PDE3A: variants seen among roughly 807,000 people sequenced by gnomAD.
The protein encoded by PDE3A is phosphodiesterase 3A.
Under a neutral mutation model 98.3 loss-of-function variants are expected in PDE3A, and 43 were observed. The ratio of observed to expected loss-of-function variants is 0.44; its 90% CI spans 0.34 to 0.56. The LOEUF (loss-of-function observed/expected upper bound fraction) is 0.56, where lower values mean the gene tolerates loss of function less well. PDE3A is among the 20% of genes least tolerant of loss of function. The pLI is 0.01. For synonymous variants in PDE3A, 663 were observed against 567.9 expected (o/e 1.17, Z -2.38); for missense variants, 1,427 against 1,440.7 (o/e 0.99, Z 0.15).
chr12:20,601,838 AGAT>A (rs1046528128), intron 2 of PDE3A, among the ~76,000 whole-genome samples: 1 of 152,098 alleles, frequency 6.6e-6, no homozygotes, highest in Non-Finnish European at 1.5e-5. Context: ...GTTTTAAAAG[AGAT>A]GGTCAGATAA....
intron 1 of PDE3A, among the ~76,000 whole-genome samples, chr12:20,445,129 C>T (rs772533567): frequency 1.3e-5 from 2 of 152,066 alleles, no homozygotes; most frequent in African/African-American, 2.4e-5. Context: ...AAAATGGGTA[C>T]GTTTCAGAAC....
intron 7 of PDE3A, among the ~76,000 whole-genome samples, chr12:20,634,471 C>G (rs1944453317): frequency 6.6e-6 from 1 of 152,150 alleles, no homozygotes; most frequent in African/African-American, 2.4e-5. Context: ...CCCATGCTCC[C>G]AAGCATATGC....
chr12:20,560,340 A>G (rs1942482616), intron 2 of PDE3A, among the ~76,000 whole-genome samples: 1 of 152,224 alleles, frequency 6.6e-6, no homozygotes, highest in Non-Finnish European at 1.5e-5. Flanking sequence ...ATGAGTGTGC[A>G]TGATCTTACT....
intron 4 of PDE3A, among the ~76,000 whole-genome samples, chr12:20,621,046 A>G (rs1944122324): frequency 6.6e-6 from 1 of 152,070 alleles, no homozygotes; most frequent in Non-Finnish European, 1.5e-5. Context: ...GGATAATAAG[A>G]AAGTTATCTT....
At position 20,383,142 on chromosome 12, in the gene PDE3A, G is replaced by A. The variant is rs568692282; in HGVS notation, c.960+12898G>A. ...ATTGGTGGAGTCTTTGAATGTCTTC[G>A]TAAAAATGATGCTTTTGAGGGTCGG... is the stretch of plus-strand genomic sequence containing the variant. On this transcript the variant is annotated intron_variant, in intron 1 of 15. Transcript: ENST00000359062. Among the ~76,000 whole-genome samples, 131 of 151,922 alleles carry A rather than the reference G, an allele frequency of 8.6e-4. 2 individuals carry two copies. The highest frequency in any genetic ancestry group is 2.6e-3 in the African/African-American group (107 of 41,500).
chr12:20,488,671 A>G (rs1282342086), intron 1 of PDE3A, among the ~76,000 whole-genome samples: 1 of 152,064 alleles, frequency 6.6e-6, no homozygotes, highest in Admixed American at 6.5e-5. Flanking sequence ...CTTTACAACA[A>G]CAACAACAAA....
rs1386365979 is a variant in PDE3A at position 20,634,938 on chromosome 12, A to G, written c.1883A>G (p.Asn628Ser). ...CAAGTTACCTCTGATTATGAAACCA[A>G]TAACAACAGTGACAGCAGTGACATT... ...TAQVTSDYET[N>S]NNSDSSDIVQ... Residue 628 changes from asparagine to serine, a missense_variant, in exon 8 of 16, where the codon AAT becomes AGT. Transcript: ENST00000359062. The G allele has an allele frequency of 6.2e-7, 1 of 1,610,620 alleles. No homozygotes were observed. The highest frequency in any genetic ancestry group is 8.5e-7 in the Non-Finnish European group (1 of 1,176,828).
At chr12:20,510,180 A>G (rs1041199921) in intron 1 of PDE3A, among the ~76,000 whole-genome samples, 2 of 152,068 alleles carry the variant, frequency 1.3e-5, no homozygotes, top group Non-Finnish European at 2.9e-5. Flanking sequence ...GATTTTTAAC[A>G]TAGTTCTTTA....
At chr12:20,672,699 C>T (rs1198977532) in intron 15 of PDE3A, among the ~76,000 whole-genome samples, 7 of 125,398 alleles carry the variant, frequency 5.6e-5, no homozygotes, top group Non-Finnish European at 1.2e-4. Context: ...AAAATCAATT[C>T]AAGATGGATT....
chr12:20,480,304 C>A (rs1945600772), intron 1 of PDE3A, among the ~76,000 whole-genome samples: 1 of 152,174 alleles, frequency 6.6e-6, no homozygotes, highest in South Asian at 2.1e-4. Flanking sequence ...AATAGAACAT[C>A]ATCCAGGTTA....
chr12:20,589,642 G>A (rs960595366), intron 2 of PDE3A, among the ~76,000 whole-genome samples: 7 of 151,866 alleles, frequency 4.6e-5, no homozygotes, highest in African/African-American at 7.3e-5. Flanking sequence ...GCCGAGGCGG[G>A]CAGATCACGA....
intron 2 of PDE3A, among the ~76,000 whole-genome samples, chr12:20,581,561 CTT>C (rs759123361): frequency 1.7e-4 from 25 of 149,460 alleles, no homozygotes; most frequent in African/African-American, 2.5e-4. Context: ...ACGACTTTTT[CTT>C]TGTTTGAAAT....
chr12:20,671,484 C>CA (rs1026164329), intron 15 of PDE3A, among the ~76,000 whole-genome samples: 1 of 31,792 alleles, frequency 3.1e-5, no homozygotes, highest in African/African-American at 6.5e-5. Flanking sequence ...AGCAGCACAT[C>CA]AAAAAGCTTA....
chr12:20,415,639 G>A (rs1267533909), intron 1 of PDE3A, among the ~76,000 whole-genome samples: 3 of 152,088 alleles, frequency 2.0e-5, no homozygotes, highest in Non-Finnish European at 2.9e-5. Flanking sequence ...GTTTCACCAT[G>A]TTGGCCAGGC....
intron 1 of PDE3A, among the ~76,000 whole-genome samples, chr12:20,441,250 G>T (rs1199696985): frequency 1.3e-5 from 2 of 152,178 alleles, no homozygotes; most frequent in East Asian, 3.9e-4. Flanking sequence ...GGCAAAGGGA[G>T]CATTCATGGA....
intron 15 of PDE3A, among the ~76,000 whole-genome samples, chr12:20,665,328 C>A (rs1412086383): frequency 6.6e-6 from 1 of 152,098 alleles, no homozygotes; most frequent in Non-Finnish European, 1.5e-5. Flanking sequence ...ATTAAATAGT[C>A]TTCTTTGAAA....
intron 5 of PDE3A, among the ~76,000 whole-genome samples, chr12:20,624,010 C>T (rs899421548): frequency 5.3e-5 from 8 of 151,840 alleles, no homozygotes; most frequent in African/African-American, 9.7e-5. Flanking sequence ...AGTAATAATA[C>T]GTAATTCAAG....
intron 2 of PDE3A, among the ~76,000 whole-genome samples, chr12:20,589,682 C>T (rs935050433): frequency 2.0e-5 from 3 of 151,626 alleles, no homozygotes; most frequent in Admixed American, 1.3e-4. Context: ...TCCTGGCTAA[C>T]ACGGTGAAAC....
intron 6 of PDE3A, among the ~76,000 whole-genome samples, chr12:20,633,311 T>C (rs1487277965): frequency 6.6e-6 from 1 of 152,182 alleles, no homozygotes; most frequent in Non-Finnish European, 1.5e-5. Flanking sequence ...TTGGGGAAGA[T>C]AACTTTTGTC....
Sources: allele counts gnomAD v4.1 joint callset (sites outside exome capture counted in the v4.1 genomes callset), GRCh38; gene constraint gnomAD v4.1.1; transcripts MANE v1.5; gene names NCBI Gene and HGNC (gene_info 2026-07-23, HGNC 2026-07-21).